RBFOX1: variants seen among roughly 807,000 people sequenced by gnomAD.
RBFOX1 encodes the protein RNA binding fox-1 homolog 1.
Under a neutral mutation model 57.7 loss-of-function variants are expected in RBFOX1, and 8 were observed. The observed-to-expected ratio is 0.14, with a 90% CI of 0.08 to 0.25. The LOEUF is 0.25. Ranked by LOEUF, RBFOX1 falls within the 10% of genes least tolerant of loss-of-function variation. RBFOX1 has a pLI of 1.00. For missense variants in RBFOX1, 611 were observed against 548.5 expected, an observed-to-expected ratio of 1.11 and a Z score of -1.14; for synonymous variants, 326 against 222.4, an observed-to-expected ratio of 1.47 and a Z score of -4.15.
intron 2 of RBFOX1, among the ~76,000 whole-genome samples, chr16:5,587,369 A>T (rs1385315677): frequency 2.0e-5 from 3 of 152,228 alleles, no homozygotes; most frequent in African/African-American, 7.2e-5. Flanking sequence ...GCAAGTCAAA[A>T]CTGCAGGGAG....
At chr16:7,258,139 G>A (rs2094771499) in intron 4 of RBFOX1, among the ~76,000 whole-genome samples, 1 of 152,128 alleles carries the variant, frequency 6.6e-6, no homozygotes, top group Non-Finnish European at 1.5e-5. Context: ...AGGTACCAGC[G>A]ATAATTTCTT....
intron 2 of RBFOX1, among the ~76,000 whole-genome samples, chr16:6,626,304 A>C (rs2098305925): frequency 6.6e-6 from 1 of 152,146 alleles, no homozygotes; most frequent in African/African-American, 2.4e-5. Flanking sequence ...CTAGAGGCCC[A>C]GGTCACCCAT....
intron 2 of RBFOX1, among the ~76,000 whole-genome samples, chr16:6,487,230 A>G (rs1177515871): frequency 6.6e-6 from 1 of 151,444 alleles, no homozygotes; most frequent in Non-Finnish European, 1.5e-5. Flanking sequence ...CTCGTTTTTG[A>G]TTCAGCAAAA....
intron 3 of RBFOX1, among the ~76,000 whole-genome samples, chr16:7,025,408 A>G (rs940120413): frequency 6.6e-6 from 1 of 152,006 alleles, no homozygotes; most frequent in African/African-American, 2.4e-5. Context: ...TATGACCTGT[A>G]TTTTGTGCTG....
intron 3 of RBFOX1, among the ~76,000 whole-genome samples, chr16:6,767,935 T>TAAGAAGAAG (rs1423679473): frequency 8.3e-4 from 77 of 93,214 alleles, no homozygotes; most frequent in African/African-American, 2.7e-3. Flanking sequence ...ATAATAATAA[T>TAAGAAGAAG]AATAATAATA....
At chr16:6,870,140 T>A (rs909108074) in intron 3 of RBFOX1, among the ~76,000 whole-genome samples, 8 of 152,152 alleles carry the variant, frequency 5.3e-5, no homozygotes, top group African/African-American at 1.9e-4. Context: ...TTGGACCACC[T>A]AGTTTTCACA....
At chr16:7,103,623 C>G (rs944303463) in intron 4 of RBFOX1, among the ~76,000 whole-genome samples, 4 of 152,114 alleles carry the variant, frequency 2.6e-5, no homozygotes, top group African/African-American at 7.2e-5. Flanking sequence ...TCTTCTTCAC[C>G]TCTCTGCAGT....
At chr16:6,225,454 A>T in intron 1 of RBFOX1, among the ~76,000 whole-genome samples, 1 of 152,188 alleles carries the variant, frequency 6.6e-6, no homozygotes, top group East Asian at 1.9e-4. Context: ...TGTACATTTA[A>T]TACCCGGGAA....
At chr16:6,967,445 G>C (rs974532474) in intron 3 of RBFOX1, among the ~76,000 whole-genome samples, 1 of 152,168 alleles carries the variant, frequency 6.6e-6, no homozygotes, top group Admixed American at 6.5e-5. Context: ...GACATTTGGA[G>C]CTAGGATTAG....
chr16:7,091,970 C>T (rs1373088721), intron 4 of RBFOX1, among the ~76,000 whole-genome samples: 1 of 152,156 alleles, frequency 6.6e-6, no homozygotes, highest in Non-Finnish European at 1.5e-5. Context: ...TTGACATTCT[C>T]TTTTCCCCTT....
At chr16:6,612,857 A>ATAAT (rs1567881829) in intron 2 of RBFOX1, among the ~76,000 whole-genome samples, 13 of 55,066 alleles carry the variant, frequency 2.4e-4, no homozygotes, top group Admixed American at 5.4e-4. Context: ...CTCAAAAAAA[A>ATAAT]AAAAAAAATA....
chr16:6,078,440 A>C (rs2095944279), intron 1 of RBFOX1, among the ~76,000 whole-genome samples: 1 of 151,960 alleles, frequency 6.6e-6, no homozygotes, highest in South Asian at 2.1e-4. Context: ...AGCTGTCATT[A>C]GTATTAATGT....
intron 1 of RBFOX1, among the ~76,000 whole-genome samples, chr16:5,437,468 G>A (rs1279410212): frequency 6.6e-6 from 1 of 152,168 alleles, no homozygotes; most frequent in Non-Finnish European, 1.5e-5. Context: ...GAACAAAAGT[G>A]TACTGAGTGC....
chr16:6,013,967 TG>T (rs2094977647), intron 4 of RBFOX1, among the ~76,000 whole-genome samples: 2 of 14,404 alleles, frequency 1.4e-4, no homozygotes, highest in Admixed American at 7.9e-4. Context: ...TGTTGTGGGA[TG>T]GGGGGAGGGG....
chr16:7,704,633 C>G (rs1176008731), intron 14 of RBFOX1, among the ~76,000 whole-genome samples: 2 of 152,216 alleles, frequency 1.3e-5, no homozygotes, highest in Non-Finnish European at 2.9e-5. Context: ...CTGCCCCAGC[C>G]TCCATGGAGT....
rs961795203 is a variant in RBFOX1 at position 6,962,118 on chromosome 16, C to A, written c.-15-89939C>A. Among the ~76,000 whole-genome samples the A allele has an allele frequency of 2.0e-5, 3 of 152,142 alleles. No homozygotes were observed. In the East Asian group the frequency reaches 5.8e-4, roughly 29 times the overall value. On this transcript the variant is annotated intron_variant, in intron 3 of 15. Transcript: ENST00000550418. ...TCCAAAAATCAGGCTGTATCCAGGA[C>A]CATATTTCCTCTGAAGTCTTGATAG...
At chr16:5,349,677 A>G (rs566720881) in intron 1 of RBFOX1, among the ~76,000 whole-genome samples, 12 of 150,530 alleles carry the variant, frequency 8.0e-5, no homozygotes, top group Admixed American at 3.3e-4. Context: ...GTCTGGGAAG[A>G]AAAAAAAAAC....
chr16:6,085,727 G>C (rs138510833), intron 1 of RBFOX1, among the ~76,000 whole-genome samples: 53 of 152,186 alleles, frequency 3.5e-4, no homozygotes, highest in African/African-American at 1.2e-3. Flanking sequence ...AGCCCGTGGC[G>C]CTTAAATTCT....
chr16:6,977,392 G>A (rs182895059), intron 3 of RBFOX1, among the ~76,000 whole-genome samples: 26 of 152,026 alleles, frequency 1.7e-4, no homozygotes, highest in Admixed American at 1.5e-3. Context: ...CTGGACACTC[G>A]CAAGTCTGGT....
Sources: gnomAD v4.1 joint callset for allele counts (sites outside exome capture counted in the v4.1 genomes callset) on GRCh38, gnomAD v4.1.1 for gene constraint, MANE v1.5 for transcripts, NCBI Gene and HGNC (gene_info 2026-07-23, HGNC 2026-07-21) for gene names.